NOL4: variants seen among roughly 807,000 people sequenced by gnomAD.
NOL4 encodes nucleolar protein 4.
A neutral mutation model predicts 75.9 loss-of-function variants in NOL4; 17 were observed. The ratio of observed to expected loss-of-function variants is 0.22; its 90% CI spans 0.15 to 0.34. The LOEUF (loss-of-function observed/expected upper bound fraction) is 0.34, where lower values mean the gene tolerates loss of function less well. Among genes scored for constraint, NOL4 ranks in the 10% least tolerant of loss-of-function variants. The pLI is 1.00. For synonymous variants in NOL4, 292 were observed against 289.9 expected (o/e 1.01, Z -0.07); for missense variants, 614 against 793.5 (o/e 0.77, Z 2.72).
chr18:34,086,032 A>G (rs2078224518), intron 5 of NOL4, among the ~76,000 whole-genome samples: 1 of 152,152 alleles, frequency 6.6e-6, no homozygotes, highest in Non-Finnish European at 1.5e-5. Flanking sequence ...ACAATTATTT[A>G]TAGAGCAACT....
At chr18:33,920,600 G>A (rs2066978648) in intron 9 of NOL4, among the ~76,000 whole-genome samples, 1 of 152,182 alleles carries the variant, frequency 6.6e-6, no homozygotes, top group African/African-American at 2.4e-5. Context: ...GAAAACAGGT[G>A]TGGCTGGACA....
chr18:33,990,231 C>A (rs1267959262), intron 6 of NOL4, among the ~76,000 whole-genome samples: 1 of 152,006 alleles, frequency 6.6e-6, no homozygotes, highest in Non-Finnish European at 1.5e-5. Flanking sequence ...TAGAAGTGAG[C>A]TATTTTTTTG....
chr18:34,067,440 A>T (rs1399071957), intron 5 of NOL4, among the ~76,000 whole-genome samples: 1 of 152,200 alleles, frequency 6.6e-6, no homozygotes, highest in Admixed American at 6.5e-5. Context: ...TAAAAGAATC[A>T]TCGGGCTTAG....
chr18:33,932,799 C>T (rs2067789050), intron 9 of NOL4, among the ~76,000 whole-genome samples: 3 of 151,994 alleles, frequency 2.0e-5, no homozygotes, highest in African/African-American at 7.2e-5. Context: ...ATTTTTTCAA[C>T]TTTTCTGAGC....
rs1187437399 is a variant in NOL4 at position 34,141,518 on chromosome 18, T to G, written c.265-11498A>C. ...CCAATGGAACAGAACAGAGCCCTCA[T>G]AAATAATACCACACATCTACAACCA... is the stretch of plus-strand genomic sequence containing the variant. On this transcript the variant is annotated intron_variant, in intron 1 of 10. Coordinates refer to ENST00000261592, the MANE Select transcript of NOL4 (RefSeq NM_003787.5). Among the ~76,000 whole-genome samples, 1,338 of 143,538 alleles carry G rather than the reference T, an allele frequency of 9.3e-3. 18 individuals carry two copies. Among genetic ancestry groups the G allele is most frequent in the African/African-American group, 0.032 (1,240 of 39,320 alleles). The allele number at this position is 143,538 out of a possible 152,430, so 94.2% of individuals were successfully genotyped here.
intron 10 of NOL4, among the ~76,000 whole-genome samples, chr18:33,869,967 G>A (rs2063616421): frequency 6.6e-6 from 1 of 152,180 alleles, no homozygotes; most frequent in South Asian, 2.1e-4. Flanking sequence ...TCCCATTAAT[G>A]TTAATGCCTG....
At chr18:34,119,556 A>C (rs2080023847) in intron 2 of NOL4, among the ~76,000 whole-genome samples, 1 of 151,730 alleles carries the variant, frequency 6.6e-6, no homozygotes, top group Non-Finnish European at 1.5e-5. Context: ...CCGTTCATCT[A>C]CCCTTCCCTT....
intron 9 of NOL4, among the ~76,000 whole-genome samples, chr18:33,939,058 G>C (rs1233461204): frequency 6.6e-6 from 1 of 152,060 alleles, no homozygotes; most frequent in Non-Finnish European, 1.5e-5. Context: ...GCTTGTTTTT[G>C]TCAGGTTTAT....
At chr18:34,117,309 G>T (rs1396461453) in intron 2 of NOL4, among the ~76,000 whole-genome samples, 1 of 152,070 alleles carries the variant, frequency 6.6e-6, no homozygotes, top group Admixed American at 6.6e-5. Context: ...CTGCTATTGT[G>T]GTTTCAAAGC....
At chr18:34,036,928 T>C (rs991655406) in intron 5 of NOL4, among the ~76,000 whole-genome samples, 3 of 152,072 alleles carry the variant, frequency 2.0e-5, no homozygotes, top group Non-Finnish European at 4.4e-5. Context: ...TGAGACTCCA[T>C]CTTAAAAAAA....
chr18:33,941,933 A>T (rs944474166), intron 9 of NOL4, among the ~76,000 whole-genome samples: 8 of 151,978 alleles, frequency 5.3e-5, no homozygotes, highest in Admixed American at 4.6e-4. Context: ...TGGTGGCACG[A>T]TTAGCACATT....
intron 1 of NOL4, among the ~76,000 whole-genome samples, chr18:34,218,925 T>C (rs1031739545): frequency 3.9e-5 from 6 of 152,212 alleles, no homozygotes; most frequent in Admixed American, 1.3e-4. Flanking sequence ...CATGGGGTAT[T>C]ATTTCTTTCA....
At chr18:34,207,448 T>G (rs2036202354) in intron 1 of NOL4, among the ~76,000 whole-genome samples, 1 of 152,218 alleles carries the variant, frequency 6.6e-6, no homozygotes, top group African/African-American at 2.4e-5. Context: ...TTTGATATGT[T>G]TCTTTGGTTC....
At chr18:33,897,261 C>T (rs2065466383) in intron 9 of NOL4, among the ~76,000 whole-genome samples, 1 of 152,154 alleles carries the variant, frequency 6.6e-6, no homozygotes, top group Non-Finnish European at 1.5e-5. Context: ...AATCCCATTA[C>T]TGGGTATATA....
At chr18:34,167,829 A>T (rs550444676) in intron 1 of NOL4, among the ~76,000 whole-genome samples, 1 of 152,150 alleles carries the variant, frequency 6.6e-6, no homozygotes, top group South Asian at 2.1e-4. Flanking sequence ...GATTCTAGTA[A>T]ATTTGGGTAA....
At chr18:34,215,717 T>C (rs766846220) in intron 1 of NOL4, among the ~76,000 whole-genome samples, 1 of 152,148 alleles carries the variant, frequency 6.6e-6, no homozygotes, top group Non-Finnish European at 1.5e-5. Flanking sequence ...AAACACCCAA[T>C]AGAAAATCGA....
chr18:34,215,935 A>AT (rs1273122034), intron 1 of NOL4, among the ~76,000 whole-genome samples: 7 of 152,288 alleles, frequency 4.6e-5, no homozygotes, highest in African/African-American at 1.2e-4. Flanking sequence ...TTTTTCTTAG[A>AT]TTTTTTATAT....
At chr18:34,095,097 T>C (rs753350185) in intron 4 of NOL4, among the ~76,000 whole-genome samples, 1 of 152,166 alleles carries the variant, frequency 6.6e-6, no homozygotes, top group Non-Finnish European at 1.5e-5. Context: ...GACTGGGTCA[T>C]GCTTGGGCAC....
intron 7 of NOL4, among the ~76,000 whole-genome samples, chr18:33,957,986 C>T (rs1481089568): frequency 6.6e-6 from 1 of 152,040 alleles, no homozygotes; most frequent in Non-Finnish European, 1.5e-5. Flanking sequence ...AAGCTGAGGC[C>T]CCCTCCATCC....
Sources: gnomAD v4.1 joint callset for allele counts (sites outside exome capture counted in the v4.1 genomes callset) on GRCh38, gnomAD v4.1.1 for gene constraint, MANE v1.5 for transcripts, NCBI Gene and HGNC (gene_info 2026-07-23, HGNC 2026-07-21) for gene names.